SHISA6: variants seen among roughly 807,000 people sequenced by gnomAD.
SHISA6 encodes shisa family member 6, also known as protein shisa-6.
SHISA6 carries 22 observed loss-of-function variants against 47.9 expected under a neutral mutation model. The observed-to-expected ratio is 0.46, with a 90% CI of 0.33 to 0.66. The LOEUF (loss-of-function observed/expected upper bound fraction) is 0.66. Ranked by LOEUF, SHISA6 falls within the 30% of genes least tolerant of loss-of-function variation. The pLI, the probability that SHISA6 is intolerant of heterozygous loss-of-function variation, is 0.02. For missense variants in SHISA6, 680 were observed against 764.6 expected (o/e 0.89, Z 1.30); for synonymous variants, 388 against 337.8 (o/e 1.15, Z -1.63).
chr17:11,431,103 C>T (rs1361119038), intron 3 of SHISA6, among the ~76,000 whole-genome samples: 1 of 152,170 alleles, frequency 6.6e-6, no homozygotes, highest in Non-Finnish European at 1.5e-5. Context: ...CATGAGTTTC[C>T]CACATCTTCT....
chr17:11,349,274 G>A (rs1266048850), intron 2 of SHISA6, among the ~76,000 whole-genome samples: 2 of 152,154 alleles, frequency 1.3e-5, no homozygotes, highest in East Asian at 3.9e-4. Context: ...ATCCCCCAAA[G>A]GTATTATTTT....
intron 3 of SHISA6, among the ~76,000 whole-genome samples, chr17:11,522,411 G>A (rs534495744): frequency 1.3e-5 from 2 of 152,230 alleles, no homozygotes; most frequent in Middle Eastern, 3.4e-3. Context: ...CTACAGACAC[G>A]CAACAGCACG....
chr17:11,436,502 C>T (rs1048398908), intron 3 of SHISA6, among the ~76,000 whole-genome samples: 2 of 152,226 alleles, frequency 1.3e-5, no homozygotes, highest in Non-Finnish European at 2.9e-5. Context: ...GACTCCACCA[C>T]ATCCCTATTC....
At chr17:11,358,459 A>G (rs576179935) in intron 2 of SHISA6, among the ~76,000 whole-genome samples, 16 of 150,472 alleles carry the variant, frequency 1.1e-4, no homozygotes, top group African/African-American at 3.7e-4. Context: ...TCTTGGGTTC[A>G]CGCCATTCTC....
chr17:11,481,362 G>GTATATATATATA (rs1481491401), intron 3 of SHISA6, among the ~76,000 whole-genome samples: 5 of 114,568 alleles, frequency 4.4e-5, no homozygotes, highest in African/African-American at 1.7e-4. Flanking sequence ...GTGTGTGTGT[G>GTATATATATATA]TGTGTATATA....
chr17:11,367,399 T>G (rs769434551), intron 2 of SHISA6, among the ~76,000 whole-genome samples: 18 of 152,150 alleles, frequency 1.2e-4, no homozygotes, highest in Non-Finnish European at 1.9e-4. Context: ...ACAACAGAGT[T>G]CCTTTCCGAT....
At chr17:11,351,536 C>T (rs1911892942) in intron 2 of SHISA6, among the ~76,000 whole-genome samples, 1 of 152,186 alleles carries the variant, frequency 6.6e-6, no homozygotes, top group East Asian at 1.9e-4. Flanking sequence ...CCCTGATCCT[C>T]CCAACAAATT....
At chr17:11,480,370 G>A (rs542785724) in intron 3 of SHISA6, among the ~76,000 whole-genome samples, 1 of 150,638 alleles carries the variant, frequency 6.6e-6, no homozygotes, top group East Asian at 1.9e-4. Context: ...TACTTGTTGA[G>A]TGAATCAATA....
At chr17:11,285,310 G>A (rs964493815) in intron 2 of SHISA6, among the ~76,000 whole-genome samples, 1 of 152,158 alleles carries the variant, frequency 6.6e-6, no homozygotes, top group Non-Finnish European at 1.5e-5. Flanking sequence ...GAGACTTGGA[G>A]GTGTTGCATG....
intron 3 of SHISA6, among the ~76,000 whole-genome samples, chr17:11,389,797 C>T (rs1318084512): frequency 1.3e-5 from 2 of 152,220 alleles, no homozygotes; most frequent in African/African-American, 4.8e-5. Flanking sequence ...AGTTGGGAAT[C>T]TCCCCTTCTT....
At chr17:11,525,745 G>T (rs1198224403) in intron 3 of SHISA6, among the ~76,000 whole-genome samples, 1 of 151,672 alleles carries the variant, frequency 6.6e-6, no homozygotes, top group African/African-American at 2.4e-5. Context: ...GCTGGGTCTG[G>T]TGGCTCGCAC....
intron 3 of SHISA6, among the ~76,000 whole-genome samples, chr17:11,487,873 G>A (rs888140): frequency 1.3e-5 from 2 of 151,904 alleles, no homozygotes; most frequent in African/African-American, 2.4e-5. Flanking sequence ...GCCAGCTTCC[G>A]TGAGGGCCGT....
intron 3 of SHISA6, among the ~76,000 whole-genome samples, chr17:11,546,874 T>C (rs1379836346): frequency 6.6e-6 from 1 of 151,816 alleles, no homozygotes; most frequent in Non-Finnish European, 1.5e-5. Context: ...TGAGCCAAGA[T>C]TGCGCCACGG....
chr17:11,385,218 G>A (rs1913153102), intron 3 of SHISA6, among the ~76,000 whole-genome samples: 1 of 152,112 alleles, frequency 6.6e-6, no homozygotes, highest in Admixed American at 6.5e-5. Context: ...ACTGACTGAC[G>A]GATGTGAAGG....
intron 2 of SHISA6, among the ~76,000 whole-genome samples, chr17:11,362,782 T>C (rs1912330541): frequency 6.6e-6 from 1 of 152,238 alleles, no homozygotes; most frequent in African/African-American, 2.4e-5. Context: ...GGTGACCATT[T>C]TATTAATATT....
chr17:11,297,479 A>C (rs1909791498), intron 2 of SHISA6, among the ~76,000 whole-genome samples: 1 of 152,262 alleles, frequency 6.6e-6, no homozygotes, highest in South Asian at 2.1e-4. Context: ...GGGGTCCAGG[A>C]CAATATAACC....
At chr17:11,424,882 G>A (rs1356213630) in intron 3 of SHISA6, among the ~76,000 whole-genome samples, 4 of 151,566 alleles carry the variant, frequency 2.6e-5, no homozygotes, top group African/African-American at 9.7e-5. Context: ...GGTGGCGGGT[G>A]CCTGTAGTTG....
At chr17:11,525,152 C>T (rs1365541950) in intron 3 of SHISA6, among the ~76,000 whole-genome samples, 1 of 152,134 alleles carries the variant, frequency 6.6e-6, no homozygotes, top group African/African-American at 2.4e-5. Context: ...TAGAATTAAG[C>T]TGAATTATGT....
At chr17:11,352,876 T>TG (rs1413327170) in intron 2 of SHISA6, among the ~76,000 whole-genome samples, 1 of 152,168 alleles carries the variant, frequency 6.6e-6, no homozygotes, top group African/African-American at 2.4e-5. Context: ...ACTAACTATT[T>TG]GGGGGAGAAA....
Sources: allele counts gnomAD v4.1 joint callset (sites outside exome capture counted in the v4.1 genomes callset), GRCh38; gene constraint gnomAD v4.1.1; transcripts MANE v1.5; gene names NCBI Gene and HGNC (gene_info 2026-07-23, HGNC 2026-07-21).